The following GLUL variants were observed in gnomAD, a reference collection of about 807,000 sequenced individuals.
The protein encoded by GLUL is glutamate-ammonia ligase, also known as glutamine synthetase.
In GLUL, 8 loss-of-function variants were observed where a neutral mutation model predicts 36.9. That is an observed-to-expected ratio of 0.22 (90% CI 0.13 to 0.39). The LOEUF (loss-of-function observed/expected upper bound fraction) is 0.39, where lower values mean the gene tolerates loss of function less well. Among genes scored for constraint, GLUL ranks in the 10% least tolerant of loss-of-function variants. The probability of loss-of-function intolerance (pLI) is 1.00; values close to 1 mark genes in which losing one functional copy is unlikely to be tolerated. For synonymous variants in GLUL, 182 were observed against 172.8 expected (o/e 1.05, Z -0.42); for missense variants, 315 against 501.8 (o/e 0.63, Z 3.56).
rs1650117978 is a variant in GLUL at position 182,385,144 on chromosome 1, T to C, written c.803+213A>G. On this transcript the variant is annotated intron_variant, in intron 6 of 6. Coordinates refer to ENST00000331872, the MANE Select transcript of GLUL (RefSeq NM_001033044.4). Reference sequence around the variant, plus strand: ...ATTTATCACTGTGAATCAGAAGTATTATTTGGTATTTTTCAAATAGGAACA... The same window carrying C: ...ATTTATCACTGTGAATCAGAAGTATCATTTGGTATTTTTCAAATAGGAACA... The C allele has an allele frequency of 5.6e-6, 3 of 539,660 alleles. No homozygotes were observed. In the South Asian group the frequency reaches 6.3e-5, roughly 11 times the overall value. The allele number at this position is 539,660 out of a possible 1,614,324, so 33.4% of individuals were successfully genotyped here.
rs1032004587 is a variant in GLUL at position 182,382,493 on chromosome 1, C to T, written c.*1912G>A. On this transcript the variant is annotated 3_prime_UTR_variant, in exon 7 of 7. Coordinates refer to ENST00000331872, the MANE Select transcript of GLUL (RefSeq NM_001033044.4). ...GTAGCAGGGTAGCTAATATTTGTTT[C>T]TTATCACTGAGAGCAGAGAATAGAA... 2 of 33,936 alleles carry T rather than the reference C, an allele frequency of 5.9e-5. No homozygotes were observed. The highest frequency in any genetic ancestry group is 6.0e-4 in the Admixed American group (2 of 3,316). The allele number at this position is 33,936 out of a possible 1,614,324, so 2.1% of individuals were successfully genotyped here. A position where few individuals can be genotyped will look rare whatever the true frequency, so the allele number is the denominator to read the frequency against.
rs1370317224 is a variant in GLUL at position 182,387,242 on chromosome 1, A to T, written c.217T>A (p.Ser73Thr). The T allele has an allele frequency of 6.2e-7, 1 of 1,612,952 alleles. No individual in the cohort carries two copies. The highest frequency in any genetic ancestry group is 8.5e-7 in the Non-Finnish European group (1 of 1,179,074). Residue 73 changes from serine (S) to threonine (T), a missense_variant, in exon 3 of 7, where the codon TCC becomes ACC. Ser to Thr is a moderately conservative substitution (Grantham distance 58). This residue lies in a region of GLUL where 256 missense variants were observed against 396.1 expected (regional missense o/e 0.65). Coordinates refer to ENST00000331872, the MANE Select transcript of GLUL (RefSeq NM_001033044.4). Reference sequence around the variant, plus strand: ...GGCACGAGATACATGTCACTGTTGGAACCCTCAGACTGTAAAGTACTAGAG... The same window carrying T: ...GGCACGAGATACATGTCACTGTTGGTACCCTCAGACTGTAAAGTACTAGAG... ...DGSSTLQSEG[S>T]NSDMYLVPAA...
intron 3 of GLUL, 150 bp from the exon 4 acceptor site, chr1:182,386,552 C>G (rs984678944): frequency 1.4e-6 from 1 of 737,058 alleles, no homozygotes; most frequent in African/African-American, 1.7e-5. Context: ...CTTGGGATCA[C>G]CGAGTCAGAA....
Position 182,379,992 on chromosome 1 carries a change from G to A in GLUL, c.*4413C>T, listed in dbSNP as rs190738625. ...CCCAAGCAGCTGGGATTACAGGCAT[G>A]TGCCACCACGCCCGGCTAATTTTTT... On this transcript the variant is annotated 3_prime_UTR_variant, in exon 7 of 7. Coordinates refer to ENST00000331872, the MANE Select transcript of GLUL (RefSeq NM_001033044.4). Among the ~76,000 whole-genome samples the A allele has an allele frequency of 2.6e-5, 4 of 151,198 alleles. No individual in the cohort carries two copies. In the East Asian group the frequency reaches 7.8e-4, roughly 30 times the overall value.
chr1:182,387,373 A>G, intron 2 of GLUL, 81 bp from the exon 3 acceptor site: 1 of 970,530 alleles, frequency 1.0e-6, no homozygotes, highest in Non-Finnish European at 1.7e-6. Flanking sequence ...CCCTTCACTC[A>G]CCTTCCCATC....
chr1:182,390,606 A>T (rs111759054), intron 1 of GLUL: 7 of 399,322 alleles, frequency 1.8e-5, no homozygotes, highest in African/African-American at 8.2e-5. Context: ...TGGTCCAAGC[A>T]CCGGAGCTTT....
At chr1:182,391,525 CA>C (rs1458735932) in intron 1 of GLUL, 153 bp downstream of exon 1, 2 of 304,914 alleles carry the variant, frequency 6.6e-6, no homozygotes, top group Non-Finnish European at 1.2e-5. Flanking sequence ...GAGGAGCACT[CA>C]TGCCGGATCT....
chr1:182,385,617 C>G, intron 5 of GLUL, 61 bp from the exon 6 acceptor site: 1 of 1,565,740 alleles, frequency 6.4e-7, no homozygotes, highest in Non-Finnish European at 8.8e-7. Flanking sequence ...CTCAGAATCT[C>G]CTAAACCTGT....
At position 182,387,354 on chromosome 1, in the gene GLUL, T is replaced by C. The variant is rs564037834; in HGVS notation, c.167-62A>G. The stretch of plus-strand genomic sequence containing the variant: ...ACAGGAGCTTTCCAAGCAATGCAAA[T>C]ACAGCCAGCCCTTCACTCACCTTCC... On this transcript the variant is annotated intron_variant, in intron 2 of 6. Transcript: ENST00000331872. The C allele has an allele frequency of 4.1e-6, 5 of 1,206,244 alleles. No homozygotes were observed. The East Asian group carries it at 9.3e-5, about 22-fold the overall frequency. 74.7% of individuals were successfully genotyped at this position (1,206,244 alleles called of 1,614,324 possible).
chr1:182,381,261 C>T lies in GLUL; in HGVS notation c.*3144G>A, dbSNP rs540112439. ...TCCAGCCTGGGTGAGAGTCAGACCC[C>T]GTCTCAAAAACAACAAAAGGCCCTA... On this transcript the variant is annotated 3_prime_UTR_variant, in exon 7 of 7. Coordinates refer to ENST00000331872, the MANE Select transcript of GLUL (RefSeq NM_001033044.4). Among the ~76,000 whole-genome samples, 14 of 152,176 alleles carry T rather than the reference C, an allele frequency of 9.2e-5. No individual in the cohort carries two copies. In the South Asian group the frequency reaches 1.2e-3, roughly 14 times the overall value.
At position 182,381,769 on chromosome 1, in the gene GLUL, G is replaced by A. The variant is rs531293807; in HGVS notation, c.*2636C>T. ...ATACACCATCCAAGAGGCTGTAAGG[G>A]TGGCCAAGCAAAGGGAAGACAACTT... On this transcript the variant is annotated 3_prime_UTR_variant, in exon 7 of 7. Transcript: ENST00000331872. 2.0e-5 allele frequency: 3 copies of A among 152,330 alleles called. No homozygotes were observed. The highest frequency in any genetic ancestry group is 2.4e-5 in the African/African-American group (1 of 41,564). 9.4% of individuals were successfully genotyped at this position (152,330 alleles called of 1,614,324 possible).
intron 1 of GLUL, 79 bp from the exon 2 acceptor site, chr1:182,388,829 C>A (rs1650287306): frequency 1.8e-6 from 2 of 1,106,640 alleles, no homozygotes; most frequent in South Asian, 1.2e-5. Context: ...AGAAGGACGA[C>A]TGAATCAAAA....
intron 5 of GLUL, 88 bp downstream of exon 5, chr1:182,385,672 G>A (rs1571406002): frequency 3.8e-6 from 6 of 1,566,264 alleles, no homozygotes; most frequent in Middle Eastern, 3.4e-4. Flanking sequence ...TTTTGGGTTA[G>A]TGAGTGGTGT....
chr1:182,387,009 G>A (rs1055178827), intron 3 of GLUL, 122 bp downstream of exon 3: 1 of 811,910 alleles, frequency 1.2e-6, no homozygotes, highest in African/African-American at 1.7e-5. Flanking sequence ...GAATCACTCA[G>A]ATTCTTAAAA....
chr1:182,387,123 TA>T lies in GLUL; in HGVS notation c.328+7del. ...AGGAGGGGTATCCATAGCTGTGCTA[TA>T]ACACACCTGCAGGCCTTCGATTGTA... On this transcript the variant is annotated splice_region_variant and intron_variant, in intron 3 of 6. Transcript: ENST00000331872. The T allele has an allele frequency of 6.2e-7, 1 of 1,609,308 alleles. No homozygotes were observed. The highest frequency in any genetic ancestry group is 8.5e-7 in the Non-Finnish European group (1 of 1,175,764).
rs1650069533 is a variant in GLUL at position 182,384,305 on chromosome 1, T to C, written c.*100A>G. The C allele has an allele frequency of 1.2e-6, 1 of 852,844 alleles. No individual in the cohort carries two copies. The highest frequency in any genetic ancestry group is 2.0e-6 in the Non-Finnish European group (1 of 508,070). 52.8% of individuals were successfully genotyped at this position (852,844 alleles called of 1,614,324 possible). On this transcript the variant is annotated 3_prime_UTR_variant, in exon 7 of 7. Transcript: ENST00000331872. The stretch of plus-strand genomic sequence containing the variant: ...TGGAATGAAAAAAACGACCTTGATA[T>C]TCCACCCTTTGAGTTACAATCGGGA...
chr1:182,390,019 C>T (rs973279446), intron 1 of GLUL: 2 of 152,472 alleles, frequency 1.3e-5, no homozygotes, highest in South Asian at 2.1e-4. Context: ...GTACAAAGTT[C>T]GAGACCAGCC....
In GLUL at chr1:182,378,743, T is replaced by C. The variant is rs1299193944; in HGVS notation, c.*5662A>G. 1.3e-5 allele frequency among the ~76,000 whole-genome samples: 2 copies of C among 152,214 alleles called. No homozygotes were observed. The highest frequency in any genetic ancestry group is 2.9e-5 in the Non-Finnish European group (2 of 68,042). ...ATGGTATACATTTATATTATGCATG[T>C]GTATGGACATATATCTGCATATTGT... On this transcript the variant is annotated 3_prime_UTR_variant, in exon 7 of 7. Transcript: ENST00000331872.
intron 4 of GLUL, 66 bp downstream of exon 4, chr1:182,386,190 G>C: frequency 6.9e-7 from 1 of 1,453,370 alleles, no homozygotes; most frequent in South Asian, 1.1e-5. Context: ...TCCCATCCCT[G>C]GGAAGGGGCA....
Sources: allele counts gnomAD v4.1 joint callset (sites outside exome capture counted in the v4.1 genomes callset), GRCh38; gene constraint gnomAD v4.1.1; regional missense constraint gnomAD v4.1.1; transcripts MANE v1.5; gene names NCBI Gene and HGNC (gene_info 2026-07-23, HGNC 2026-07-21).